The following UBP1 variants were observed in gnomAD, a reference collection of about 807,000 sequenced individuals.
UBP1 encodes the protein upstream binding protein 1.
Under a neutral mutation model 76.1 loss-of-function variants are expected in UBP1, and 22 were observed. That is an observed-to-expected ratio of 0.29 (90% CI 0.21 to 0.41). UBP1 has a LOEUF of 0.41. Among genes scored for constraint, UBP1 ranks in the 10% least tolerant of loss-of-function variants. The pLI, the probability that UBP1 is intolerant of heterozygous loss-of-function variation, is 1.00. For synonymous variants in UBP1, 224 were observed against 237.1 expected, an observed-to-expected ratio of 0.94 and a Z score of 0.51; for missense variants, 436 against 668.1, an observed-to-expected ratio of 0.65 and a Z score of 3.83.
chr3:33,425,668 G>A lies in UBP1; in HGVS notation c.187C>T (p.Pro63Ser). ...GCAGCACACATCACATACTGAAAGG[G>A]TGGGTGCTCTGTTTCACCATCCAAT... Reference protein sequence around the residue: ...LPLDGETEHPPFQYVMCAATS... With the variant: ...LPLDGETEHPSFQYVMCAATS... Residue 63 changes from proline to serine, a missense_variant, in exon 2 of 16, where the codon CCC (proline) becomes TCC (serine). Pro to Ser is a moderately conservative substitution (Grantham distance 74). Around this residue, in one of 3 missense-constraint regions of UBP1, gnomAD observed 161 missense variants for 237.9 expected, o/e 0.68. Coordinates refer to ENST00000283629, the MANE Select transcript of UBP1 (RefSeq NM_014517.5). The A allele has an allele frequency of 6.2e-7, 1 of 1,604,496 alleles. No individual in the cohort carries two copies. Among genetic ancestry groups the A allele is most frequent in the Non-Finnish European group, 8.5e-7 (1 of 1,172,604 alleles).
At chr3:33,410,081 C>A (rs769725820) in intron 5 of UBP1, among the ~76,000 whole-genome samples, 1 of 152,214 alleles carries the variant, frequency 6.6e-6, no homozygotes, top group Non-Finnish European at 1.5e-5. Context: ...ATTTGTGATA[C>A]TTTGCCTGGG....
rs2043618467 is a variant in UBP1 at position 33,388,697 on chromosome 3, CA to C, written c.*1633del. 1 of 152,078 alleles carries C rather than the reference CA, an allele frequency of 6.6e-6. No homozygotes were observed. Among genetic ancestry groups the C allele is most frequent in the South Asian group, 2.1e-4 (1 of 4,830 alleles). 9.4% of individuals were successfully genotyped at this position (152,078 alleles called of 1,614,324 possible). On this transcript the variant is annotated 3_prime_UTR_variant, in exon 16 of 16. Coordinates refer to ENST00000283629, the MANE Select transcript of UBP1 (RefSeq NM_014517.5). ...CAGAAAACATGTGGTCACACGAAAG[CA>C]AAGGGAAAAAGTCAGAAAGGAAAAC...
chr3:33,436,178 C>T lies in UBP1; in HGVS notation c.113+3558G>A, dbSNP rs1035752258. Among the ~76,000 whole-genome samples the T allele has an allele frequency of 2.0e-4, 30 of 152,256 alleles. 2 individuals are homozygous for T. Among genetic ancestry groups the T allele is most frequent in the Admixed American group, 1.8e-3 (28 of 15,298 alleles). On this transcript the variant is annotated intron_variant, in intron 1 of 15. Coordinates refer to ENST00000283629, the MANE Select transcript of UBP1 (RefSeq NM_014517.5). ...ATAGTGTACATTACCATGTGCAACA[C>T]GATGTTTTGACATATATACACTGTC...
chr3:33,396,784 C>A, intron 12 of UBP1: 1 of 632,004 alleles, frequency 1.6e-6, no homozygotes, highest in South Asian at 1.5e-5. Flanking sequence ...CAAACCCAGT[C>A]GTCTTCAAGA....
intron 2 of UBP1, among the ~76,000 whole-genome samples, chr3:33,421,045 G>T (rs1055475729): frequency 6.6e-6 from 1 of 152,220 alleles, no homozygotes; most frequent in African/African-American, 2.4e-5. Context: ...CAGCAAGGGG[G>T]TAAGATCAGA....
intron 2 of UBP1, among the ~76,000 whole-genome samples, chr3:33,420,671 T>C (rs911238565): frequency 2.6e-5 from 4 of 152,128 alleles, no homozygotes; most frequent in African/African-American, 9.7e-5. Flanking sequence ...GTATTTTTAG[T>C]GGAGACAGGG....
intron 2 of UBP1, among the ~76,000 whole-genome samples, chr3:33,422,864 A>C (rs928842730): frequency 2.0e-5 from 3 of 152,158 alleles, no homozygotes; most frequent in Non-Finnish European, 4.4e-5. Context: ...TTAAGGATTC[A>C]TGGAAAATTT....
chr3:33,435,140 TA>T (rs1191553772), intron 1 of UBP1, among the ~76,000 whole-genome samples: 1 of 152,260 alleles, frequency 6.6e-6, no homozygotes, highest in Non-Finnish European at 1.5e-5. Context: ...ACTATAATCT[TA>T]AATCAATAAA....
At chr3:33,425,310 A>G (rs1161449420) in intron 2 of UBP1, among the ~76,000 whole-genome samples, 1 of 152,158 alleles carries the variant, frequency 6.6e-6, no homozygotes, top group East Asian at 1.9e-4. Flanking sequence ...ACTGTCCCTA[A>G]AAATAACTGA....
At position 33,439,149 on chromosome 3, in the gene UBP1, G is replaced by A. The variant is rs2045246837; in HGVS notation, c.113+587C>T. Among the ~76,000 whole-genome samples the A allele has an allele frequency of 7.2e-5, 11 of 152,170 alleles. No homozygotes were observed. The South Asian group carries it at 2.1e-3, about 29-fold the overall frequency. ...AATCACTGCATCTTAAAACCCTCAA[G>A]AGGAAACAGCCTGAGAGGGTAGTCT... On this transcript the variant is annotated intron_variant, in intron 1 of 15. Coordinates refer to ENST00000283629, the MANE Select transcript of UBP1 (RefSeq NM_014517.5).
In UBP1 at chr3:33,390,331, T is replaced by C. The variant is rs142730104; in HGVS notation, c.1623A>G (p.Ter541TrpextTer4). Residue 541 changes from the stop codon to tryptophan (W), a stop_lost, in exon 16 of 16, where the codon TGA (stop) becomes TGG (tryptophan). Transcript: ENST00000283629. ...SSDGIHIILK[*>W] The stretch of plus-strand genomic sequence containing the variant: ...AATACAGTTCAGTCTATATAAGACA[T>C]CACTTCAAAATTATGTGGATGCCAT... 1.2e-6 allele frequency: 2 copies of C among 1,613,976 alleles called. No homozygotes were observed. The highest frequency in any genetic ancestry group is 2.7e-5 in the African/African-American group (2 of 74,944).
At chr3:33,425,884 A>C (rs1297774581) in intron 1 of UBP1, 143 bp from the exon 2 acceptor site, 13 of 671,720 alleles carry the variant, frequency 1.9e-5, no homozygotes, top group Non-Finnish European at 2.9e-5. Context: ...TTAAGATCAG[A>C]AATTATATGT....
chr3:33,433,069 T>G lies in UBP1; in HGVS notation c.113+6667A>C, dbSNP rs183604641. On this transcript the variant is annotated intron_variant, in intron 1 of 15. Coordinates refer to ENST00000283629, the MANE Select transcript of UBP1 (RefSeq NM_014517.5). Reference sequence around the variant, plus strand: ...TGTCCAAAAAACTCAGAGTTTTTTGTTTTTTTTTTGAGACGGAGTCTCACT... The same window carrying G: ...TGTCCAAAAAACTCAGAGTTTTTTGGTTTTTTTTTGAGACGGAGTCTCACT... 4.1e-3 allele frequency among the ~76,000 whole-genome samples: 610 copies of G among 147,652 alleles called. 5 individuals are homozygous for G. The highest frequency in any genetic ancestry group is 0.014 in the African/African-American group (550 of 40,194).
chr3:33,422,704 G>A (rs2044929164), intron 2 of UBP1, among the ~76,000 whole-genome samples: 1 of 133,486 alleles, frequency 7.5e-6, no homozygotes, highest in Non-Finnish European at 1.6e-5. Flanking sequence ...CAGTCTGGGT[G>A]ACAGAGCAAG....
intron 8 of UBP1, among the ~76,000 whole-genome samples, chr3:33,404,901 G>GTTA (rs1415934695): frequency 6.6e-6 from 1 of 152,090 alleles, no homozygotes; most frequent in Non-Finnish European, 1.5e-5. Context: ...AATTCTAGAA[G>GTTA]TTATATTCTA....
chr3:33,438,643 C>T (rs542618778), intron 1 of UBP1, among the ~76,000 whole-genome samples: 8 of 152,294 alleles, frequency 5.3e-5, no homozygotes, highest in East Asian at 3.9e-4. Flanking sequence ...GTTTAATATG[C>T]CTTCCACTAC....
intron 7 of UBP1, 52 bp downstream of exon 7, chr3:33,409,184 C>CTA: frequency 6.5e-7 from 1 of 1,549,894 alleles, no homozygotes; most frequent in Non-Finnish European, 8.9e-7. Context: ...TAGAAATAGA[C>CTA]TAATATGCAA....
chr3:33,423,132 C>T (rs908612035), intron 2 of UBP1, among the ~76,000 whole-genome samples: 3 of 151,622 alleles, frequency 2.0e-5, no homozygotes, highest in African/African-American at 7.3e-5. Flanking sequence ...ACCTCTGCCT[C>T]GGGTTCAAGT....
At chr3:33,399,821 C>A (rs1489614053) in intron 11 of UBP1, among the ~76,000 whole-genome samples, 1 of 151,768 alleles carries the variant, frequency 6.6e-6, no homozygotes, top group Non-Finnish European at 1.5e-5. Flanking sequence ...ATGTGAGAAA[C>A]GGAGTGAAGA....
Sources: gnomAD v4.1 joint callset for allele counts (sites outside exome capture counted in the v4.1 genomes callset) on GRCh38, gnomAD v4.1.1 for gene constraint, gnomAD v4.1.1 regional missense constraint, MANE v1.5 for transcripts, NCBI Gene and HGNC (gene_info 2026-07-23, HGNC 2026-07-21) for gene names.